The following PCSK5 variants were observed in gnomAD, a reference collection of about 807,000 sequenced individuals.
PCSK5 encodes proprotein convertase subtilisin/kexin type 5, also known as prohormone convertase 5.
A neutral mutation model predicts 233.2 loss-of-function variants in PCSK5; 129 were observed. That is an observed-to-expected ratio of 0.55 (90% CI 0.48 to 0.64). The LOEUF (loss-of-function observed/expected upper bound fraction) is 0.64, where lower values mean the gene tolerates loss of function less well. Ranked by LOEUF, PCSK5 falls within the 30% of genes least tolerant of loss-of-function variation. The pLI, the probability that PCSK5 is intolerant of heterozygous loss-of-function variation, is 0.00. For missense variants in PCSK5, 2,076 were observed against 2,430.1 expected (o/e 0.85, Z 3.06); for synonymous variants, 825 against 879.2 (o/e 0.94, Z 1.09).
In PCSK5 at chr9:76,093,153, G is replaced by A. The variant is rs554589444; in HGVS notation, c.895-2737G>A. Among the ~76,000 whole-genome samples the A allele has an allele frequency of 5.1e-3, 704 of 138,180 alleles. 10 individuals are homozygous for A. Among genetic ancestry groups the A allele is most frequent in the African/African-American group, 0.018 (676 of 37,512 alleles). 90.7% of individuals were successfully genotyped at this position (138,180 alleles called of 152,430 possible). ...TGTGTCACTCAGCCTGGAGGGCAGT[G>A]AAGCAGTCGTAGCGCGCTGCAGCCT... On this transcript the variant is annotated intron_variant, in intron 7 of 37. Transcript: ENST00000674117.
At position 76,197,524 on chromosome 9, in the gene PCSK5, T is replaced by G. The variant is rs1824749878; in HGVS notation, c.2626+7778T>G. ...AGTATGGAAATAAATACATAACATCTTATCCCCCTCATGTAAAAAGAATGT... is the reference window on the plus strand; with the variant it reads ...AGTATGGAAATAAATACATAACATCGTATCCCCCTCATGTAAAAAGAATGT... On this transcript the variant is annotated intron_variant, in intron 20 of 37. Transcript: ENST00000674117. Among the ~76,000 whole-genome samples the G allele has an allele frequency of 3.3e-5, 5 of 152,306 alleles. No individual in the cohort carries two copies. The South Asian group carries it at 1.0e-3, about 32-fold the overall frequency.
At chr9:76,280,456 G>A (rs58204904) in intron 24 of PCSK5, among the ~76,000 whole-genome samples, 19,530 of 152,076 alleles carry the variant, frequency 0.13, 1,716 homozygotes, top group African/African-American at 0.25. Flanking sequence ...AAAAACAAAG[G>A]TAGGGCCGGA....
intron 24 of PCSK5, among the ~76,000 whole-genome samples, chr9:76,269,723 G>C (rs1827449783): frequency 6.6e-6 from 1 of 152,166 alleles, no homozygotes; most frequent in South Asian, 2.1e-4. Context: ...ACATAACACA[G>C]AGGACAAAAA....
intron 2 of PCSK5, among the ~76,000 whole-genome samples, chr9:75,977,148 T>G (rs1207155551): frequency 6.6e-6 from 1 of 152,200 alleles, no homozygotes; most frequent in African/African-American, 2.4e-5. Context: ...TTATTTATAA[T>G]TGCCAAAAAT....
At chr9:76,021,728 T>C (rs901018366) in intron 3 of PCSK5, among the ~76,000 whole-genome samples, 7 of 152,124 alleles carry the variant, frequency 4.6e-5, no homozygotes, top group African/African-American at 1.4e-4. Flanking sequence ...GGGGAATAAA[T>C]TAATTAACAA....
intron 9 of PCSK5, among the ~76,000 whole-genome samples, chr9:76,131,384 T>G (rs1471678823): frequency 6.6e-6 from 1 of 152,122 alleles, no homozygotes; most frequent in Non-Finnish European, 1.5e-5. Context: ...TTATCTTCTT[T>G]ACTTTATTTT....
At position 76,058,513 on chromosome 9, in the gene PCSK5, C is replaced by G. The variant is rs563949055; in HGVS notation, c.633-9442C>G. On this transcript the variant is annotated intron_variant, in intron 5 of 37. Coordinates refer to ENST00000674117, the MANE Select transcript of PCSK5 (RefSeq NM_001372043.1). ...TACTAACATCCTCATAGGATTTACA[C>G]CTGTAATTCCTATTACCCGTACAGC... 3.0e-3 allele frequency among the ~76,000 whole-genome samples: 452 copies of G among 152,312 alleles called. 2 individuals carry two copies. Among genetic ancestry groups the G allele is most frequent in the African/African-American group, 0.01 (436 of 41,578 alleles).
chr9:76,159,646 T>C (rs924618133), intron 12 of PCSK5, among the ~76,000 whole-genome samples: 2 of 152,162 alleles, frequency 1.3e-5, no homozygotes, highest in Non-Finnish European at 1.5e-5. Flanking sequence ...GCCAGGTCTT[T>C]ATCCCAACTA....
intron 10 of PCSK5, among the ~76,000 whole-genome samples, chr9:76,153,114 C>T (rs1161929056): frequency 2.0e-5 from 3 of 152,084 alleles, no homozygotes; most frequent in African/African-American, 4.8e-5. Flanking sequence ...ATATCTTATA[C>T]CTATCAAAAT....
chr9:76,057,627 C>T (rs1158554903), intron 5 of PCSK5, among the ~76,000 whole-genome samples: 1 of 151,936 alleles, frequency 6.6e-6, no homozygotes, highest in Non-Finnish European at 1.5e-5. Flanking sequence ...ATAAGAAGCC[C>T]TTTATAAGGA....
intron 32 of PCSK5, among the ~76,000 whole-genome samples, chr9:76,323,561 T>C (rs1829273184): frequency 2.6e-5 from 4 of 152,056 alleles, no homozygotes; most frequent in Admixed American, 2.6e-4. Flanking sequence ...AGGCTGGTCT[T>C]GAACTCCTGG....
At chr9:76,254,033 TCAGGACCAGGTTGATAGAGCAGC>T (rs1228411534) in intron 24 of PCSK5, among the ~76,000 whole-genome samples, 8 of 152,276 alleles carry the variant, frequency 5.3e-5, no homozygotes, top group African/African-American at 1.9e-4. Context: ...GATCCTTAAT[TCAGGACCAGGTTGATAGAGCAGC>T]CACTACCTTG....
chr9:76,059,314 G>T (rs950296514), intron 5 of PCSK5, among the ~76,000 whole-genome samples: 1 of 152,176 alleles, frequency 6.6e-6, no homozygotes, highest in Non-Finnish European at 1.5e-5. Context: ...TAGGTTGCCT[G>T]TTCACTCTGA....
intron 21 of PCSK5, among the ~76,000 whole-genome samples, chr9:76,230,307 TG>T (rs1427505671): frequency 6.6e-6 from 1 of 152,172 alleles, no homozygotes; most frequent in Non-Finnish European, 1.5e-5. Context: ...TTTGTTAGGG[TG>T]GACATGGAGG....
At chr9:76,199,639 C>A (rs2131267715) in intron 20 of PCSK5, among the ~76,000 whole-genome samples, 1 of 152,172 alleles carries the variant, frequency 6.6e-6, no homozygotes, top group Middle Eastern at 3.4e-3. Context: ...CGTGGAAGGG[C>A]AGCGTACGGG....
chr9:75,934,799 CA>C (rs1403299967), intron 2 of PCSK5, among the ~76,000 whole-genome samples: 1 of 151,962 alleles, frequency 6.6e-6, no homozygotes, highest in African/African-American at 2.4e-5. Flanking sequence ...CTAGCGACCT[CA>C]AGTGGTCTGC....
intron 24 of PCSK5, among the ~76,000 whole-genome samples, chr9:76,256,789 G>A (rs1564139022): frequency 6.6e-6 from 1 of 152,206 alleles, no homozygotes; most frequent in Non-Finnish European, 1.5e-5. Flanking sequence ...GTGGAAAATT[G>A]AGTCAGAAAT....
At chr9:75,993,529 A>T (rs1433522369) in intron 3 of PCSK5, among the ~76,000 whole-genome samples, 1 of 151,904 alleles carries the variant, frequency 6.6e-6, no homozygotes, top group Non-Finnish European at 1.5e-5. Context: ...GAGCTACCCC[A>T]TGAGATGTAT....
At chr9:75,895,058 G>A (rs557834418) in intron 1 of PCSK5, among the ~76,000 whole-genome samples, 1 of 152,242 alleles carries the variant, frequency 6.6e-6, no homozygotes, top group Non-Finnish European at 1.5e-5. Flanking sequence ...ATTACCAGTA[G>A]CAAAGCCCCT....
Sources: allele counts gnomAD v4.1 joint callset (sites outside exome capture counted in the v4.1 genomes callset), GRCh38; gene constraint gnomAD v4.1.1; transcripts MANE v1.5; gene names NCBI Gene and HGNC (gene_info 2026-07-23, HGNC 2026-07-21).